Variants in IGF2R observed in about 807,000 individuals in gnomAD.
IGF2R encodes the protein insulin like growth factor 2 receptor.
In IGF2R, 91 loss-of-function variants were observed where a neutral mutation model predicts 270.6. The ratio of observed to expected loss-of-function variants is 0.34; its 90% CI spans 0.28 to 0.40. The LOEUF (loss-of-function observed/expected upper bound fraction) is 0.40. Among genes scored for constraint, IGF2R ranks in the 10% least tolerant of loss-of-function variants. The pLI is 1.00. For synonymous variants in IGF2R, 1,316 were observed against 1,258.9 expected (o/e 1.05, Z -0.96); for missense variants, 2,805 against 3,188.3 (o/e 0.88, Z 2.90).
intron 35 of IGF2R, among the ~76,000 whole-genome samples, chr6:160,075,332 A>G (rs1028872564): frequency 7.9e-5 from 12 of 152,330 alleles, no homozygotes; most frequent in African/African-American, 2.9e-4. Context: ...TGAACAGTGA[A>G]CACCTCCTGT....
intron 29 of IGF2R, among the ~76,000 whole-genome samples, chr6:160,065,814 G>GTGTGTGTGTGTATATATATATATATA: frequency 1.1e-4 from 9 of 78,378 alleles, no homozygotes; most frequent in East Asian, 9.1e-4. Flanking sequence ...GTGTGTGTGT[G>GTGTGTGTGTGTATATATATATATATA]TATATATATA....
Position 160,073,277 on chromosome 6 carries a change from C to A in IGF2R, c.4755C>A (p.Asp1585Glu). The A allele has an allele frequency of 6.2e-7, 1 of 1,614,230 alleles. No individual in the cohort carries two copies. Among genetic ancestry groups the A allele is most frequent in the East Asian group, 2.2e-5 (1 of 44,894 alleles). ...GKANKRLRYV[D>E]QVLQLVYKDG... The stretch of plus-strand genomic sequence containing the variant: ...CCAACAAGAGGCTGAGATACGTGGA[C>A]CAGGTCCTGCAGCTGGTGTACAAGG... Residue 1585 changes from aspartate (D) to glutamate (E), a missense_variant, in exon 34 of 48, where the codon GAC becomes GAA. Physicochemically the swap from Asp to Glu is conservative, Grantham distance 45. Transcript: ENST00000356956.
chr6:160,068,332 C>T lies in IGF2R; in HGVS notation c.4199C>T (p.Pro1400Leu), dbSNP rs1384967666. The T allele has an allele frequency of 1.8e-5, 29 of 1,614,126 alleles. No homozygotes were observed. Among genetic ancestry groups the T allele is most frequent in the Admixed American group, 1.0e-4 (6 of 60,012 alleles). ...GAAGCCATCACTGGGACGGGGGACC[C>T]GGAGCACTACCTCATCAATGTCTGC... ...NWEAITGTGD[P>L]EHYLINVCKS... Residue 1400 changes from proline (P) to leucine (L), a missense_variant, in exon 30 of 48, where the codon CCG (proline) becomes CTG (leucine). By Grantham distance (98) the Pro-to-Leu change is moderately conservative. Coordinates refer to ENST00000356956, the MANE Select transcript of IGF2R (RefSeq NM_000876.4).
chr6:159,970,930 T>C (rs2115162923), intron 1 of IGF2R, among the ~76,000 whole-genome samples: 1 of 151,184 alleles, frequency 6.6e-6, no homozygotes, highest in African/African-American at 2.4e-5. Context: ...ATATGAAAAT[T>C]AGAGCCGGGC....
At chr6:160,001,620 C>G (rs570931933) in intron 2 of IGF2R, among the ~76,000 whole-genome samples, 1 of 152,120 alleles carries the variant, frequency 6.6e-6, no homozygotes, top group East Asian at 1.9e-4. Context: ...TAGTGAGAAA[C>G]AAATATTAAG....
chr6:160,034,706 C>CTGGGTGTG (rs1777775041), intron 10 of IGF2R, among the ~76,000 whole-genome samples, 184 bp downstream of exon 10: 1 of 152,208 alleles, frequency 6.6e-6, no homozygotes, highest in Non-Finnish European at 1.5e-5. Context: ...CCCACCCCCA[C>CTGGGTGTG]TGCCCCAGTG....
intron 19 of IGF2R, among the ~76,000 whole-genome samples, chr6:160,054,463 CGATTGTTGTGTT>C (rs1175482304): frequency 6.6e-6 from 1 of 152,086 alleles, no homozygotes; most frequent in Non-Finnish European, 1.5e-5. Flanking sequence ...GAATGCTGGT[CGATTGTTGTGTT>C]GTCAGAACCA....
rs1021888889 is a variant in IGF2R at position 160,083,966 on chromosome 6, A to T, written c.5850A>T (p.Thr1950=). The change falls in exon 40 of 48, where the codon ACA becomes ACT. Residue 1950 remains threonine (T), a synonymous_variant. Coordinates refer to ENST00000356956, the MANE Select transcript of IGF2R (RefSeq NM_000876.4). ...GFCRHSNSYR[T]SSIIFKCDED... ...ACTCCCCAGCAAACAGCTACCGGAC[A>T]TCCAGCATCATATTTAAGTGTGATG... 3 of 1,613,400 alleles carry T rather than the reference A, an allele frequency of 1.9e-6. No homozygotes were observed. In the Admixed American group the frequency reaches 5.0e-5, roughly 27 times the overall value.
chr6:160,046,725 A>C, intron 15 of IGF2R, 80 bp downstream of exon 15: 482 of 1,403,922 alleles, frequency 3.4e-4, no homozygotes, highest in Non-Finnish European at 4.3e-4. Context: ...GTGTGTTCTC[A>C]CTTAATGTCA....
intron 7 of IGF2R, among the ~76,000 whole-genome samples, chr6:160,031,368 A>T (rs1328060446): frequency 6.6e-6 from 1 of 152,028 alleles, no homozygotes; most frequent in African/African-American, 2.4e-5. Flanking sequence ...TTTTAAGTAC[A>T]ATTCAGTGGT....
intron 10 of IGF2R, among the ~76,000 whole-genome samples, chr6:160,035,718 G>C (rs1448880917): frequency 6.6e-6 from 1 of 152,228 alleles, no homozygotes; most frequent in East Asian, 1.9e-4. Context: ...TGTGAGGATA[G>C]ATGGCTCTCT....
At chr6:160,003,687 G>A (rs1194757274) in intron 2 of IGF2R, 1 of 152,156 alleles carries the variant, frequency 6.6e-6, no homozygotes, top group Admixed American at 6.5e-5. Context: ...ACCGGTTTAG[G>A]TACTGGAATT....
intron 41 of IGF2R, among the ~76,000 whole-genome samples, chr6:160,087,342 T>C (rs1779117225): frequency 6.6e-6 from 1 of 152,328 alleles, no homozygotes; most frequent in Admixed American, 6.5e-5. Flanking sequence ...AAGGCTGCCA[T>C]TACCCGGGGT....
chr6:160,098,620 A>T (rs538546106), intron 45 of IGF2R, among the ~76,000 whole-genome samples: 2 of 152,258 alleles, frequency 1.3e-5, no homozygotes, highest in East Asian at 1.9e-4. Context: ...GGAGTTCTAG[A>T]CCAGCCTGGG....
chr6:160,088,431 A>C (rs544252332), intron 42 of IGF2R, among the ~76,000 whole-genome samples: 1 of 152,252 alleles, frequency 6.6e-6, no homozygotes, highest in Non-Finnish European at 1.5e-5. Flanking sequence ...TTTGAATGTC[A>C]TAGTAGAAAC....
At chr6:160,095,042 G>T (rs1779319709) in intron 44 of IGF2R, 1 of 152,212 alleles carries the variant, frequency 6.6e-6, no homozygotes, top group South Asian at 2.1e-4. Context: ...TTCTTGAAAG[G>T]TGGCCTTGGT....
chr6:160,077,044 C>T lies in IGF2R; in HGVS notation c.5316+1048C>T, dbSNP rs563443950. Among the ~76,000 whole-genome samples, 6 of 152,206 alleles carry T rather than the reference C, an allele frequency of 3.9e-5. No homozygotes were observed. In the South Asian group the frequency reaches 1.2e-3, roughly 32 times the overall value. On this transcript the variant is annotated intron_variant, in intron 36 of 47. Transcript: ENST00000356956. Reference sequence around the variant, plus strand: ...GTGTGCTGACAGTGACAGAAAGTGACCTGGCAGCCGCCTGACCAGTGAGAG... The same window carrying T: ...GTGTGCTGACAGTGACAGAAAGTGATCTGGCAGCCGCCTGACCAGTGAGAG...
rs1457547582 is a variant in IGF2R, at chr6:160,090,421, T to C, written c.6655+318T>C. ...GTCAGAATTGCCTTTGATTTGGTTT[T>C]AACCATGACACTTCCTTATTTTGGA... On this transcript the variant is annotated intron_variant, in intron 44 of 47. Transcript: ENST00000356956. The C allele has an allele frequency of 2.2e-5, 4 of 182,438 alleles. No individual in the cohort carries two copies. In the East Asian group the frequency reaches 5.4e-4, roughly 25 times the overall value. 11.3% of individuals were successfully genotyped at this position (182,438 alleles called of 1,614,324 possible). A position where few individuals can be genotyped will look rare whatever the true frequency, so the allele number is the denominator to read the frequency against.
chr6:160,078,412 GTGCTGTGAGGC>G, intron 37 of IGF2R, 50 bp downstream of exon 37: 1 of 1,562,218 alleles, frequency 6.4e-7, no homozygotes, highest in Non-Finnish European at 8.8e-7. Context: ...CAGGTGCCAG[GTGCTGTGAGGC>G]TGCTGGGAGT....
Sources: allele counts gnomAD v4.1 joint callset (sites outside exome capture counted in the v4.1 genomes callset), GRCh38; gene constraint gnomAD v4.1.1; transcripts MANE v1.5; gene names NCBI Gene and HGNC (gene_info 2026-07-23, HGNC 2026-07-21).